The following CTBP2 variants were observed in gnomAD, a reference collection of about 807,000 sequenced individuals.
The protein encoded by CTBP2 is C-terminal binding protein 2.
CTBP2 carries 30 observed loss-of-function variants against 80.3 expected under a neutral mutation model. The observed-to-expected ratio is 0.37, with a 90% CI of 0.28 to 0.51. The LOEUF is 0.51. Among genes scored for constraint, CTBP2 ranks in the 20% least tolerant of loss-of-function variants. The pLI is 0.93. For missense variants in CTBP2, 1,212 were observed against 1,375.3 expected, an observed-to-expected ratio of 0.88 and a Z score of 1.88; for synonymous variants, 594 against 587.4, an observed-to-expected ratio of 1.01 and a Z score of -0.16.
In CTBP2 at chr10:125,073,239, C is replaced by T. The variant is rs575672344; in HGVS notation, c.-101-34084G>A. The stretch of plus-strand genomic sequence containing the variant: ...GATGAGATTTCTTCAATGGCTTCTG[C>T]ATCTCTCTTTTTTTTGAGATGGAGT... On this transcript the variant is annotated intron_variant, in intron 2 of 10. Transcript: ENST00000337195. 4.3e-4 allele frequency among the ~76,000 whole-genome samples: 66 copies of T among 152,126 alleles called. 1 individual carries two copies. The highest frequency in any genetic ancestry group is 8.1e-4 in the Non-Finnish European group (55 of 68,040).
At chr10:125,044,652 C>G (rs1960774618) in intron 2 of CTBP2, among the ~76,000 whole-genome samples, 1 of 152,170 alleles carries the variant, frequency 6.6e-6, no homozygotes, top group African/African-American at 2.4e-5. Flanking sequence ...CCTCTAGTCT[C>G]CCTCCTCAGA....
intron 4 of CTBP2, among the ~76,000 whole-genome samples, chr10:124,995,698 G>A (rs1474168391): frequency 1.3e-5 from 2 of 152,170 alleles, no homozygotes; most frequent in East Asian, 3.9e-4. Context: ...GACAGCTGCA[G>A]GACAACTAGT....
At chr10:125,016,696 C>T (rs1240353051) in intron 1 of CTBP2, among the ~76,000 whole-genome samples, 1 of 152,226 alleles carries the variant, frequency 6.6e-6, no homozygotes, top group Non-Finnish European at 1.5e-5. Context: ...AGCGCTGCGC[C>T]CAGGCCCAGC....
chr10:125,041,306 C>T (rs1013921585), intron 2 of CTBP2, among the ~76,000 whole-genome samples: 6 of 152,172 alleles, frequency 3.9e-5, no homozygotes, highest in Non-Finnish European at 7.3e-5. Flanking sequence ...TGGTCTCGAA[C>T]TCCTGAACTC....
intron 4 of CTBP2, chr10:124,997,004 CTT>C (rs1204672973): frequency 6.6e-6 from 1 of 152,402 alleles, no homozygotes; most frequent in Non-Finnish European, 1.5e-5. Flanking sequence ...CAACTTCTCT[CTT>C]GTTCAAGTGG....
chr10:125,134,577 G>A (rs2136163015), intron 1 of CTBP2, among the ~76,000 whole-genome samples: 1 of 152,316 alleles, frequency 6.6e-6, no homozygotes, highest in South Asian at 2.1e-4. Context: ...CTGCCAGGCA[G>A]GACCAATCGA....
chr10:125,042,217 G>A (rs1960039628), intron 2 of CTBP2, among the ~76,000 whole-genome samples: 1 of 152,346 alleles, frequency 6.6e-6, no homozygotes, highest in Non-Finnish European at 1.5e-5. Flanking sequence ...CTCCCAAGGA[G>A]CAAGCTATTT....
intron 1 of CTBP2, among the ~76,000 whole-genome samples, chr10:125,145,490 G>GGGGCAGGGTA (rs946189006): frequency 6.6e-6 from 1 of 152,158 alleles, no homozygotes; most frequent in Non-Finnish European, 1.5e-5. Flanking sequence ...GCTGTCCCTT[G>GGGGCAGGGTA]GGGCAGGGTA....
chr10:124,989,807 A>T (rs1363143296), intron 8 of CTBP2, 109 bp from the exon 11 acceptor site: 1 of 1,089,734 alleles, frequency 9.2e-7, no homozygotes, highest in Admixed American at 3.2e-5. Context: ...AGTGACATGA[A>T]CATGGCTCAC....
rs1314794290 is a variant in CTBP2, at chr10:124,986,479, GTTCT to G, written c.*3035_*3038del. The G allele has an allele frequency of 8.5e-5, 13 of 152,152 alleles. No individual in the cohort carries two copies. Among genetic ancestry groups the G allele is most frequent in the Non-Finnish European group, 1.8e-4 (12 of 68,028 alleles). The allele number at this position is 152,152 out of a possible 1,614,324, so 9.4% of individuals were successfully genotyped here. On this transcript the variant is annotated 3_prime_UTR_variant, in exon 9 of 9. Transcript: ENST00000309035. ...TACCCACAAAACTGTCATGTCTTTAGTTCTTTCCCCCCGAAAACTCAGTAAAAAG... is the reference window on the plus strand; with the variant it reads ...TACCCACAAAACTGTCATGTCTTTAGTTCCCCCCGAAAACTCAGTAAAAAG...
chr10:125,064,775 A>T lies in CTBP2; in HGVS notation c.-101-25620T>A, dbSNP rs116603040. On this transcript the variant is annotated intron_variant, in intron 2 of 10. Transcript: ENST00000337195. ...CTTGACCCTGCTTCCCTGACTGTGT[A>T]GTGAGATGTGGGGATTCAGCCCAAG... is the stretch of plus-strand genomic sequence containing the variant. Among the ~76,000 whole-genome samples the T allele has an allele frequency of 4.0e-3, 613 of 152,324 alleles. 2 individuals are homozygous for T. Among genetic ancestry groups the T allele is most frequent in the African/African-American group, 0.013 (521 of 41,572 alleles).
intron 1 of CTBP2, among the ~76,000 whole-genome samples, chr10:125,122,353 G>A (rs1487366531): frequency 2.0e-5 from 3 of 152,200 alleles, no homozygotes; most frequent in African/African-American, 4.8e-5. Flanking sequence ...CAGGGCAAGC[G>A]TGCTTTCTGA....
chr10:125,162,196 G>A (rs1861937992), upstream of CTBP2, among the ~76,000 whole-genome samples: 1 of 152,252 alleles, frequency 6.6e-6, no homozygotes, highest in South Asian at 2.1e-4. Flanking sequence ...ATGTCGAGCA[G>A]GAAAGGAGTG....
At chr10:125,129,323 G>T (rs982809096) in intron 1 of CTBP2, among the ~76,000 whole-genome samples, 1 of 152,050 alleles carries the variant, frequency 6.6e-6, no homozygotes, top group African/African-American at 2.4e-5. Context: ...AGGTATGTGC[G>T]TGTGTTAGAA....
chr10:125,055,452 T>C (rs1963686662), intron 2 of CTBP2, among the ~76,000 whole-genome samples: 1 of 152,126 alleles, frequency 6.6e-6, no homozygotes, highest in African/African-American at 2.4e-5. Flanking sequence ...CTTCTGAGAT[T>C]GTAGAGGTCA....
chr10:125,002,905 C>G (rs1954724202), intron 3 of CTBP2, 55 bp downstream of exon 5: 1 of 1,596,902 alleles, frequency 6.3e-7, no homozygotes, highest in Non-Finnish European at 8.5e-7. Context: ...CCCACCCGAG[C>G]AGGGCCCACA....
intron 1 of CTBP2, among the ~76,000 whole-genome samples, chr10:125,151,605 C>CCTCACCA (rs76117993): frequency 6.6e-6 from 1 of 152,252 alleles, no homozygotes; most frequent in East Asian, 1.9e-4. Context: ...AATCAACGAA[C>CCTCACCA]CTCACCACTC....
chr10:125,154,792 G>A (rs1860630075), intron 1 of CTBP2, among the ~76,000 whole-genome samples: 1 of 152,220 alleles, frequency 6.6e-6, no homozygotes, highest in Non-Finnish European at 1.5e-5. Flanking sequence ...TCCACTTTGG[G>A]ACCTCGGCTC....
intron 1 of CTBP2, among the ~76,000 whole-genome samples, chr10:125,124,506 T>C (rs1270642957): frequency 1.3e-5 from 2 of 152,206 alleles, no homozygotes; most frequent in Non-Finnish European, 2.9e-5. Context: ...GGTACACGTG[T>C]ATAGATAAAA....
Sources: allele counts gnomAD v4.1 joint callset (sites outside exome capture counted in the v4.1 genomes callset), GRCh38; gene constraint gnomAD v4.1.1; transcripts MANE v1.5; gene names NCBI Gene and HGNC (gene_info 2026-07-23, HGNC 2026-07-21).